The following ZNF326 variants were observed in gnomAD, a reference collection of about 807,000 sequenced individuals.
ZNF326 encodes zinc finger protein 326.
ZNF326 carries 30 observed loss-of-function variants against 63.1 expected under a neutral mutation model. That is an observed-to-expected ratio of 0.48 (90% CI 0.36 to 0.64). ZNF326 has a LOEUF of 0.64. Ranked by LOEUF, ZNF326 falls within the 30% of genes least tolerant of loss-of-function variation. The pLI, the probability that ZNF326 is intolerant of heterozygous loss-of-function variation, is 0.00. For missense variants in ZNF326, 609 were observed against 720.3 expected (o/e 0.85, Z 1.77); for synonymous variants, 194 against 228.2 (o/e 0.85, Z 1.35).
chr1:90,005,871 T>C (rs1388949854), intron 4 of ZNF326: 1 of 985,366 alleles, frequency 1.0e-6, no homozygotes, highest in East Asian at 1.1e-4. Flanking sequence ...ATGAATACTA[T>C]ACCTTTGACT....
At chr1:90,025,216 A>T (rs1396980555) in intron 11 of ZNF326, among the ~76,000 whole-genome samples, 1 of 152,164 alleles carries the variant, frequency 6.6e-6, no homozygotes, top group Non-Finnish European at 1.5e-5. Flanking sequence ...CGTGAGGCTA[A>T]GATAAACAAA....
intron 11 of ZNF326, among the ~76,000 whole-genome samples, 165 bp downstream of exon 11, chr1:90,022,510 G>A (rs1214450402): frequency 6.6e-6 from 1 of 152,034 alleles, no homozygotes; most frequent in Non-Finnish European, 1.5e-5. Flanking sequence ...TAATTGTTGG[G>A]TTGGTCAAGA....
chr1:89,995,399 G>A, intron 1 of ZNF326, 126 bp downstream of exon 1: 1 of 1,270,614 alleles, frequency 7.9e-7, no homozygotes, highest in Non-Finnish European at 1.0e-6. Context: ...CCGCCCGCCC[G>A]CCCCGGGCCC....
In ZNF326 at chr1:90,007,878, A is replaced by G. The variant is rs1243586301; in HGVS notation, c.615+128A>G. 1.0e-6 allele frequency: 1 copy of G among 961,414 alleles called. No homozygotes were observed. The highest frequency in any genetic ancestry group is 3.1e-5 in the East Asian group (1 of 31,854). 59.6% of individuals were successfully genotyped at this position (961,414 alleles called of 1,614,324 possible). A position where few individuals can be genotyped will look rare whatever the true frequency, so the allele number is the denominator to read the frequency against. ...TATTTTGAAGCAAAAGCTGAGTCAT[A>G]AACATAATTTTTAGGTTGACTGTAA... On this transcript the variant is annotated intron_variant, in intron 5 of 11. Transcript: ENST00000340281. The surrounding 1 kb of genome is among the most constrained non-coding windows in gnomAD (Gnocchi z 4.9).
At chr1:90,005,908 G>C (rs754405767) in intron 4 of ZNF326, 62 of 985,356 alleles carry the variant, frequency 6.3e-5, no homozygotes, top group Non-Finnish European at 7.5e-5. Flanking sequence ...ATATTTTCCT[G>C]TTACTACTGT....
rs1271600220 is a variant in ZNF326, at chr1:90,017,393, T to C, written c.1003T>C (p.Ser335Pro). ...TATTGAACTGCATCTGGAAAGTTCT[T>C]CACATCAGGAAACATTAGATCATAT... ...KDIELHLESS[S>P]HQETLDHIQK... The change falls in exon 8 of 12, where the codon TCA (serine) becomes CCA (proline). Residue 335 changes from serine to proline, a missense_variant. By Grantham distance (74) the Ser-to-Pro change is moderately conservative. Transcript: ENST00000340281. 1 of 1,607,458 alleles carries C rather than the reference T, an allele frequency of 6.2e-7. No individual in the cohort carries two copies. The highest frequency in any genetic ancestry group is 8.5e-7 in the Non-Finnish European group (1 of 1,178,034).
chr1:90,002,338 T>A (rs545763079), intron 2 of ZNF326, among the ~76,000 whole-genome samples: 1 of 152,268 alleles, frequency 6.6e-6, no homozygotes, highest in Non-Finnish European at 1.5e-5. Context: ...ATGATTATAG[T>A]GAAATAAATA....
At chr1:89,995,330 A>AG in intron 1 of ZNF326, 57 bp downstream of exon 1, 2 of 1,522,616 alleles carry the variant, frequency 1.3e-6, no homozygotes. Flanking sequence ...TGGCCTACGC[A>AG]GGGGGTCTGT....
intron 9 of ZNF326, among the ~76,000 whole-genome samples, chr1:90,019,545 CT>C (rs1649664243): frequency 6.6e-6 from 1 of 151,922 alleles, no homozygotes; most frequent in African/African-American, 2.4e-5. Flanking sequence ...TTTCTTTATC[CT>C]TTTGTCATTT....
Position 90,031,232 on chromosome 1 carries a change from T to C in ZNF326, c.*3531T>C, listed in dbSNP as rs1177203269. On this transcript the variant is annotated 3_prime_UTR_variant, in exon 12 of 12. Coordinates refer to ENST00000340281, the MANE Select transcript of ZNF326 (RefSeq NM_182976.4). ...CCCTCATTTAATACTTACAACTATA[T>C]TGGTAAGTTAGTAGGAGTAGTAATT... is the stretch of plus-strand genomic sequence containing the variant. The C allele has an allele frequency of 6.6e-6, 1 of 152,202 alleles. No homozygotes were observed. Among genetic ancestry groups the C allele is most frequent in the Non-Finnish European group, 1.5e-5 (1 of 68,036 alleles). The allele number at this position is 152,202 out of a possible 1,614,324, so 9.4% of individuals were successfully genotyped here.
At chr1:90,027,293 A>C in intron 11 of ZNF326, 61 bp from the exon 12 acceptor site, 1 of 1,509,764 alleles carries the variant, frequency 6.6e-7, no homozygotes, top group African/African-American at 1.4e-5. Flanking sequence ...TAAAAATTTC[A>C]CTTGCCAGAT....
rs769340534 is a variant in ZNF326, at chr1:89,995,224, G to C, written c.-34G>C. ...TCGCCGCCGGCCATAGCTCAGCCTAGCGCCGCCAAGGCCGACGGCCCTCAG... is the reference window on the plus strand; with the variant it reads ...TCGCCGCCGGCCATAGCTCAGCCTACCGCCGCCAAGGCCGACGGCCCTCAG... On this transcript the variant is annotated 5_prime_UTR_variant, in exon 1 of 12. Transcript: ENST00000340281. 2.9e-5 allele frequency: 45 copies of C among 1,541,548 alleles called. No homozygotes were observed. The East Asian group carries it at 1.1e-3, about 38-fold the overall frequency.
chr1:90,009,324 C>T (rs1050291219), intron 5 of ZNF326, among the ~76,000 whole-genome samples: 10 of 152,146 alleles, frequency 6.6e-5, no homozygotes, highest in Middle Eastern at 3.4e-3. Flanking sequence ...GTAAGATTAG[C>T]AGAATAAATT....
At position 90,031,165 on chromosome 1, in the gene ZNF326, C is replaced by G. The variant is rs2101108332; in HGVS notation, c.*3464C>G. The G allele has an allele frequency of 6.6e-6, 1 of 152,286 alleles. No homozygotes were observed. The highest frequency in any genetic ancestry group is 6.5e-5 in the Admixed American group (1 of 15,288). 9.4% of individuals were successfully genotyped at this position (152,286 alleles called of 1,614,324 possible). A position where few individuals can be genotyped will look rare whatever the true frequency, so the allele number is the denominator to read the frequency against. ...TAATACTTTCTGAAAGCACTGGAAT[C>G]TATAACAGACCTGTGGGAGTCAGAA... On this transcript the variant is annotated 3_prime_UTR_variant, in exon 12 of 12. Transcript: ENST00000340281.
At position 90,034,950 on chromosome 1, in the gene ZNF326, A is replaced by T. The variant is rs1650423728; in HGVS notation, c.*7249A>T. ...TTTATCTGAAAACTGCAACATGACG[A>T]TTATGTAACTCAATCCTTTAGGAAA... On this transcript the variant is annotated 3_prime_UTR_variant, in exon 12 of 12. Coordinates refer to ENST00000340281, the MANE Select transcript of ZNF326 (RefSeq NM_182976.4). 6.6e-6 allele frequency: 1 copy of T among 152,234 alleles called. No individual in the cohort carries two copies. Among genetic ancestry groups the T allele is most frequent in the African/African-American group, 2.4e-5 (1 of 41,472 alleles). 9.4% of individuals were successfully genotyped at this position (152,234 alleles called of 1,614,324 possible).
At chr1:90,008,331 CT>C (rs1649086512) in intron 5 of ZNF326, among the ~76,000 whole-genome samples, 1 of 152,178 alleles carries the variant, frequency 6.6e-6, no homozygotes, top group African/African-American at 2.4e-5. Flanking sequence ...CTAACTCACG[CT>C]TACAATATGT....
At position 90,005,184 on chromosome 1, in the gene ZNF326, A is replaced by G; in HGVS notation, c.149A>G (p.Asp50Gly). The G allele has an allele frequency of 6.2e-7, 1 of 1,614,050 alleles. No individual in the cohort carries two copies. The highest frequency in any genetic ancestry group is 1.1e-5 in the South Asian group (1 of 91,080). Residue 50 changes from aspartate to glycine, a missense_variant, in exon 4 of 12, where the codon GAT becomes GGT. Physicochemically the swap from Asp to Gly is moderately conservative, Grantham distance 94. Transcript: ENST00000340281. ...TCCTATGGGGGTCAGAGATCCATGG[A>G]TTCCTACCTAAACCAGTCATATGGC... ...HGSYGGQRSM[D>G]SYLNQSYGMD...
intron 4 of ZNF326, chr1:90,006,489 GA>G: frequency 1.0e-6 from 1 of 985,066 alleles, no homozygotes; most frequent in Non-Finnish European, 1.2e-6. Flanking sequence ...GAAGGAAGAT[GA>G]TTTATTTCTT....
At chr1:90,019,569 T>C (rs1045134196) in intron 9 of ZNF326, among the ~76,000 whole-genome samples, 3 of 152,188 alleles carry the variant, frequency 2.0e-5, no homozygotes, top group African/African-American at 7.2e-5. Context: ...TAAGTCTTTA[T>C]GGTTTCTCTG....
Sources: gnomAD v4.1 joint callset for allele counts (sites outside exome capture counted in the v4.1 genomes callset) on GRCh38, gnomAD v4.1.1 for gene constraint, Gnocchi (gnomAD v3.1) non-coding constraint, MANE v1.5 for transcripts, NCBI Gene and HGNC (gene_info 2026-07-23, HGNC 2026-07-21) for gene names.